ZBTB20: variants seen among roughly 807,000 people sequenced by gnomAD.
ZBTB20 encodes the protein zinc finger and BTB domain containing 20, also known as zinc finger and BTB domain-containing protein 20.
ZBTB20 carries 9 observed loss-of-function variants against 56.9 expected under a neutral mutation model. That is an observed-to-expected ratio of 0.16 (90% confidence interval 0.10 to 0.28). ZBTB20 has a LOEUF of 0.28. Ranked by LOEUF, ZBTB20 falls within the 10% of genes least tolerant of loss-of-function variation. ZBTB20 has a pLI of 1.00. For missense variants in ZBTB20, 655 were observed against 1,003.0 expected (o/e 0.65, Z 4.69); for synonymous variants, 417 against 420.7 (o/e 0.99, Z 0.11).
At chr3:114,778,010 C>T (rs1458871642) in intron 5 of ZBTB20, among the ~76,000 whole-genome samples, 2 of 146,326 alleles carry the variant, frequency 1.4e-5, no homozygotes, top group Non-Finnish European at 3.0e-5. Flanking sequence ...AAACCAAACA[C>T]TGCATGTTCT....
intron 4 of ZBTB20, among the ~76,000 whole-genome samples, chr3:114,893,934 TAAAAA>T (rs1248041771): frequency 6.6e-6 from 1 of 152,174 alleles, no homozygotes; most frequent in Non-Finnish European, 1.5e-5. Flanking sequence ...CAATTGTCAG[TAAAAA>T]ATTCAGGAGT....
intron 7 of ZBTB20, among the ~76,000 whole-genome samples, chr3:114,443,853 GACGTGGA>G (rs1466056427): frequency 2.8e-4 from 42 of 152,296 alleles, no homozygotes; most frequent in African/African-American, 9.9e-4. Flanking sequence ...TCTCTTTACA[GACGTGGA>G]ACGTGAGGCC....
chr3:114,577,774 A>G (rs2054240716), intron 6 of ZBTB20, among the ~76,000 whole-genome samples: 1 of 152,214 alleles, frequency 6.6e-6, no homozygotes, highest in African/African-American at 2.4e-5. Flanking sequence ...AAGAATAAAG[A>G]TACAGCATTA....
At chr3:114,491,004 C>T (rs1000332362) in intron 7 of ZBTB20, among the ~76,000 whole-genome samples, 4 of 152,166 alleles carry the variant, frequency 2.6e-5, no homozygotes, top group Non-Finnish European at 4.4e-5. Context: ...AGCCTACAAA[C>T]CACCCTGGAC....
intron 4 of ZBTB20, among the ~76,000 whole-genome samples, chr3:114,866,540 G>A (rs2075770229): frequency 6.6e-6 from 1 of 152,172 alleles, no homozygotes; most frequent in Non-Finnish European, 1.5e-5. Context: ...ATTATTTGGT[G>A]TACTTCAGTG....
At chr3:114,717,728 C>G (rs1242361412) in intron 5 of ZBTB20, among the ~76,000 whole-genome samples, 1 of 152,066 alleles carries the variant, frequency 6.6e-6, no homozygotes, top group African/African-American at 2.4e-5. Flanking sequence ...ACTTTCTATT[C>G]TTTTCTTAAT....
rs142786833 is a variant in ZBTB20, at chr3:114,852,492, G to A, written c.-417+47812C>T. On this transcript the variant is annotated intron_variant, in intron 4 of 11. Transcript: ENST00000675478. ...CTGGCCAGGCTGGTCTCAAACTCCCGACCTCAGCTGATCCACCCGCCGCAG... is the reference window on the plus strand; with the variant it reads ...CTGGCCAGGCTGGTCTCAAACTCCCAACCTCAGCTGATCCACCCGCCGCAG... Among the ~76,000 whole-genome samples the A allele has an allele frequency of 7.4e-3, 1,117 of 151,972 alleles. 8 individuals carry two copies. The highest frequency in any genetic ancestry group is 0.025 in the South Asian group (122 of 4,810).
chr3:114,564,297 T>A (rs1232699556), intron 6 of ZBTB20, among the ~76,000 whole-genome samples: 1 of 152,046 alleles, frequency 6.6e-6, no homozygotes, highest in Admixed American at 6.5e-5. Flanking sequence ...CTCTTTGCCA[T>A]CTAAGGCAAC....
At chr3:115,147,117 C>A (rs2085025628) in intron 1 of ZBTB20, 102 bp downstream of exon 1, 2 of 147,650 alleles carry the variant, frequency 1.4e-5, no homozygotes, top group African/African-American at 4.9e-5. Context: ...TCCCGCCGCC[C>A]CCCACTCCAG....
intron 7 of ZBTB20, among the ~76,000 whole-genome samples, chr3:114,394,177 A>T (rs2086138583): frequency 6.6e-6 from 1 of 152,196 alleles, no homozygotes; most frequent in Admixed American, 6.5e-5. Flanking sequence ...GTTCTTGTTT[A>T]ACCCTCATAG....
chr3:114,985,439 C>A (rs1376298964), intron 2 of ZBTB20, among the ~76,000 whole-genome samples: 3 of 151,990 alleles, frequency 2.0e-5, no homozygotes, highest in African/African-American at 7.2e-5. Flanking sequence ...TGAAAAAGTT[C>A]TAAACAAAAT....
intron 1 of ZBTB20, among the ~76,000 whole-genome samples, chr3:115,114,208 C>T (rs2083958672): frequency 6.6e-6 from 1 of 152,076 alleles, no homozygotes; most frequent in African/African-American, 2.4e-5. Flanking sequence ...AAATATGTGT[C>T]ATTCTCTACG....
chr3:115,094,865 T>C (rs1309344916), intron 1 of ZBTB20, among the ~76,000 whole-genome samples: 1 of 152,098 alleles, frequency 6.6e-6, no homozygotes, highest in Non-Finnish European at 1.5e-5. Context: ...AGTACTACTA[T>C]GTATAAGATT....
intron 4 of ZBTB20, among the ~76,000 whole-genome samples, chr3:114,838,453 T>A (rs1273242240): frequency 1.3e-5 from 2 of 152,146 alleles, no homozygotes; most frequent in African/African-American, 4.8e-5. Flanking sequence ...CATCTTCGAA[T>A]GGACATAATG....
chr3:114,901,329 C>T (rs1210837444), intron 3 of ZBTB20, among the ~76,000 whole-genome samples: 1 of 152,024 alleles, frequency 6.6e-6, no homozygotes, highest in East Asian at 1.9e-4. Flanking sequence ...TTCTTCTGAG[C>T]ACAGTCGATT....
At chr3:114,845,517 G>T (rs999082628) in intron 4 of ZBTB20, among the ~76,000 whole-genome samples, 1 of 151,086 alleles carries the variant, frequency 6.6e-6, no homozygotes, top group Non-Finnish European at 1.5e-5. Flanking sequence ...GCCTCACCTC[G>T]CCCGTGACTC....
intron 6 of ZBTB20, among the ~76,000 whole-genome samples, chr3:114,537,299 A>C (rs1173253695): frequency 6.6e-6 from 1 of 152,200 alleles, no homozygotes; most frequent in Admixed American, 6.5e-5. Flanking sequence ...CAAGAAAAAA[A>C]CAAACCCCAT....
chr3:114,750,153 C>T (rs1043498850), intron 5 of ZBTB20, among the ~76,000 whole-genome samples: 6 of 152,082 alleles, frequency 3.9e-5, no homozygotes, highest in South Asian at 2.1e-4. Context: ...TCCCCAAATC[C>T]GGATCATAAA....
intron 10 of ZBTB20, among the ~76,000 whole-genome samples, chr3:114,376,346 G>C (rs544012071): frequency 6.6e-6 from 1 of 152,222 alleles, no homozygotes. Context: ...CACTCAAGGG[G>C]ACAGTTTCTG....
Sources: allele counts gnomAD v4.1 joint callset (sites outside exome capture counted in the v4.1 genomes callset), GRCh38; gene constraint gnomAD v4.1.1; transcripts MANE v1.5; gene names NCBI Gene and HGNC (gene_info 2026-07-23, HGNC 2026-07-21).